AIMP2: variants seen among roughly 807,000 people sequenced by gnomAD.
AIMP2 encodes the protein aminoacyl tRNA synthetase complex interacting multifunctional protein 2, also known as aminoacyl tRNA synthase complex-interacting multifunctional protein 2.
Under a neutral mutation model 23.4 loss-of-function variants are expected in AIMP2, and 20 were observed. The ratio of observed to expected loss-of-function variants is 0.85; its 90% CI spans 0.60 to 1.24. The LOEUF (loss-of-function observed/expected upper bound fraction) is 1.24. Ranked by LOEUF, AIMP2 falls within the 50% of genes most tolerant of loss-of-function variation. AIMP2 has a pLI of 0.00. For synonymous variants in AIMP2, 210 were observed against 170.4 expected, an observed-to-expected ratio of 1.23 and a Z score of -1.81; for missense variants, 515 against 414.5, an observed-to-expected ratio of 1.24 and a Z score of -2.10.
chr7:6,013,890 G>T (rs193027039), intron 1 of AIMP2, among the ~76,000 whole-genome samples: 28 of 150,720 alleles, frequency 1.9e-4, no homozygotes, highest in Non-Finnish European at 3.7e-4. Context: ...AGTCAAGGCT[G>T]CAGTGGGCCA....
At chr7:6,017,515 T>A (rs371028624) in intron 2 of AIMP2, among the ~76,000 whole-genome samples, 3 of 123,526 alleles carry the variant, frequency 2.4e-5, no homozygotes, top group African/African-American at 6.4e-5. Flanking sequence ...AGAGTGAGAC[T>A]CTGTCTCAAA....
At chr7:6,018,968 T>TACACACACAAACACAC (rs1787209325) in intron 3 of AIMP2, among the ~76,000 whole-genome samples, 1 of 150,554 alleles carries the variant, frequency 6.6e-6, no homozygotes, top group African/African-American at 2.4e-5. Flanking sequence ...TATCAAACCT[T>TACACACACAAACACAC]ACACACACAC....
At chr7:6,021,415 G>T (rs1787407940) in intron 3 of AIMP2, among the ~76,000 whole-genome samples, 1 of 151,334 alleles carries the variant, frequency 6.6e-6, no homozygotes, top group Non-Finnish European at 1.5e-5. Flanking sequence ...CATTGAAGAG[G>T]CCATCATCGT....
intron 3 of AIMP2, among the ~76,000 whole-genome samples, chr7:6,020,190 G>A (rs1230272322): frequency 6.6e-6 from 1 of 152,024 alleles, no homozygotes; most frequent in African/African-American, 2.4e-5. Flanking sequence ...GGAGGCTGAG[G>A]TGGGTGGATC....
rs1393974589 is a variant in AIMP2 at position 6,017,795 on chromosome 7, T to C, written c.343-19T>C. On this transcript the variant is annotated intron_variant, in intron 2 of 3. Transcript: ENST00000223029. ...TCTCCGATGACTGTTATTCGTACAT[T>C]GTCTTGGTCTTTCCCCAGGATTACG... 6.2e-7 allele frequency: 1 copy of C among 1,603,464 alleles called. No homozygotes were observed. Among genetic ancestry groups the C allele is most frequent in the South Asian group, 1.1e-5 (1 of 90,210 alleles).
intron 1 of AIMP2, 141 bp downstream of exon 1, chr7:6,009,639 C>G: frequency 1.4e-6 from 1 of 718,900 alleles, no homozygotes; most frequent in Non-Finnish European, 2.0e-6. Flanking sequence ...GGGACTCACT[C>G]AGACTTTTAT....
intron 2 of AIMP2, 85 bp from the exon 3 acceptor site, chr7:6,017,729 C>A: frequency 3.2e-6 from 4 of 1,240,538 alleles, no homozygotes. Context: ...GGTTAGATAA[C>A]CCTGGTTAGG....
At chr7:6,015,592 C>T (rs769649218) in intron 2 of AIMP2, among the ~76,000 whole-genome samples, 26 of 152,134 alleles carry the variant, frequency 1.7e-4, no homozygotes, top group Non-Finnish European at 3.2e-4. Flanking sequence ...GGCGTGGTGG[C>T]GGGCACCTGT....
rs555470614 is a variant in AIMP2, at chr7:6,016,733, A to G, written c.343-1081A>G. On this transcript the variant is annotated intron_variant, in intron 2 of 3. Coordinates refer to ENST00000223029, the MANE Select transcript of AIMP2 (RefSeq NM_006303.4). ...CAGGGAACTGCAAGGCATTCTGCCT[A>G]GGCCGACGTGTGGGATATTGGTCAG... 5 of 152,388 alleles carry G rather than the reference A, an allele frequency of 3.3e-5. No individual in the cohort carries two copies. In the East Asian group the frequency reaches 7.7e-4, roughly 23 times the overall value. 9.4% of individuals were successfully genotyped at this position (152,388 alleles called of 1,614,324 possible). A position where few individuals can be genotyped will look rare whatever the true frequency, so the allele number is the denominator to read the frequency against.
intron 3 of AIMP2, among the ~76,000 whole-genome samples, chr7:6,021,928 G>A (rs1006731669): frequency 6.6e-6 from 1 of 152,098 alleles, no homozygotes; most frequent in Non-Finnish European, 1.5e-5. Flanking sequence ...CACCGTGCTT[G>A]CCTCTCGTCC....
chr7:6,017,264 C>T (rs942428019), intron 2 of AIMP2, among the ~76,000 whole-genome samples: 2 of 151,938 alleles, frequency 1.3e-5, no homozygotes, highest in African/African-American at 4.8e-5. Context: ...ATCTGTAATC[C>T]CAGCATTTTG....
At chr7:6,009,964 A>ATAT (rs1554310799) in intron 1 of AIMP2, among the ~76,000 whole-genome samples, 22 of 42,982 alleles carry the variant, frequency 5.1e-4, no homozygotes, top group East Asian at 1.4e-3. Context: ...AAAAAAAAAA[A>ATAT]AAAAAAAAAA....
intron 1 of AIMP2, among the ~76,000 whole-genome samples, chr7:6,009,856 G>A (rs76415309): frequency 0.15 from 22,373 of 146,370 alleles, 1,897 homozygotes; most frequent in African/African-American, 0.2. Flanking sequence ...GGCTGAGGCA[G>A]GAGAATCGTT....
chr7:6,012,832 A>T lies in AIMP2; in HGVS notation c.136-2314A>T, dbSNP rs370868276. ...CTTCCAAAGTGCTGAGATTACAGGTATCAGCCACTGTGCCTAGCCAGCACT... is the reference window on the plus strand; with the variant it reads ...CTTCCAAAGTGCTGAGATTACAGGTTTCAGCCACTGTGCCTAGCCAGCACT... On this transcript the variant is annotated intron_variant, in intron 1 of 3. Transcript: ENST00000223029. 3.0e-6 allele frequency: 3 copies of T among 1,015,018 alleles called. No homozygotes were observed. In the African/African-American group the frequency reaches 5.1e-5, roughly 17 times the overall value. 62.9% of individuals were successfully genotyped at this position (1,015,018 alleles called of 1,614,324 possible).
chr7:6,023,278 T>C (rs1787571398), intron 3 of AIMP2, 25 bp from the exon 4 acceptor site: 3 of 1,564,602 alleles, frequency 1.9e-6, no homozygotes, highest in African/African-American at 2.7e-5. Context: ...CTGGTGATGC[T>C]ACCTGGCGTG....
At chr7:6,013,075 G>C in intron 1 of AIMP2, 1 of 758,562 alleles carries the variant, frequency 1.3e-6, no homozygotes, top group Non-Finnish European at 1.6e-6. Flanking sequence ...TCAGAGCCAG[G>C]GTGGTGGTTT....
chr7:6,009,562 C>T, intron 1 of AIMP2, 64 bp downstream of exon 1: 7 of 1,349,538 alleles, frequency 5.2e-6, no homozygotes, highest in Non-Finnish European at 4.8e-6. Flanking sequence ...CCCGGGTCCC[C>T]CCAGGCCGGA....
chr7:6,015,089 T>A (rs553403052), intron 1 of AIMP2, 57 bp from the exon 2 acceptor site: 1 of 1,610,448 alleles, frequency 6.2e-7, no homozygotes, highest in South Asian at 1.1e-5. Context: ...TGATCAAATT[T>A]AAACAACACT....
At chr7:6,021,758 T>C (rs75363948) in intron 3 of AIMP2, among the ~76,000 whole-genome samples, 3,657 of 152,258 alleles carry the variant, frequency 0.024, 132 homozygotes, top group African/African-American at 0.081. Context: ...CTTCTGATTA[T>C]TCAAGGCTGC....
Sources: allele counts gnomAD v4.1 joint callset (sites outside exome capture counted in the v4.1 genomes callset), GRCh38; gene constraint gnomAD v4.1.1; transcripts MANE v1.5; gene names NCBI Gene and HGNC (gene_info 2026-07-23, HGNC 2026-07-21).